The following NBPF20 variants were observed in gnomAD, a reference collection of about 807,000 sequenced individuals.
NBPF20 encodes NBPF member 20.
A neutral mutation model predicts 68.1 loss-of-function variants in NBPF20; 90 were observed. The observed-to-expected ratio is 1.32, with a 90% CI of 1.11 to 1.58. The LOEUF is 1.58. Among genes scored for constraint, NBPF20 ranks in the 40% most tolerant of loss-of-function variants. NBPF20 has a pLI of 0.00. For missense variants in NBPF20, 816 were observed against 601.2 expected (o/e 1.36, Z -3.74); for synonymous variants, 290 against 228.1 (o/e 1.27, Z -2.45).
At chr1:145,291,307 G>A in exon 138 of NBPF20, 1 of 702,526 alleles carries the variant, frequency 1.4e-6, no homozygotes, top group Non-Finnish European at 2.4e-6. Flanking sequence ...CCCGGCATGT[G>A]CTGCACAGTT....
chr1:145,291,793 G>C (rs782657048), intron 137 of NBPF20, 24 bp from the exon 143 acceptor site: 49 of 1,611,670 alleles, frequency 3.0e-5, no homozygotes, highest in Non-Finnish European at 4.0e-5. Flanking sequence ...CAAAACTAAA[G>C]AAGCAGCCAG....
upstream of NBPF20, among the ~76,000 whole-genome samples, chr1:145,410,364 G>T (rs2101608841): frequency 6.7e-6 from 1 of 150,148 alleles, no homozygotes; most frequent in African/African-American, 2.4e-5. Context: ...GCCCAGGCTG[G>T]AGTGCAGTGG....
rs587742413 is a variant in NBPF20, at chr1:145,291,657, A to G, written c.16810T>C (p.Tyr5604His). 1.6e-4 allele frequency: 257 copies of G among 1,611,988 alleles called. 1 individual carries two copies. In the African/African-American group the frequency reaches 3.1e-3, roughly 20 times the overall value. Residue 5604 changes from tyrosine to histidine, a missense_variant, in exon 138 of 138, where the codon TAC becomes CAC. Coordinates refer to ENST00000369373, the Ensembl canonical transcript of NBPF20. The stretch of plus-strand genomic sequence containing the variant: ...TCAAATGAGTAAAACACACTTCTGT[A>G]GTGCTGGAATGAGTCAGGTAGTTCA...
At chr1:145,291,699 T>C (rs200928669) in exon 138 of NBPF20, 168 of 1,611,380 alleles carry the variant, frequency 1.0e-4, no homozygotes, top group Non-Finnish European at 1.3e-4. Context: ...ATTGACGGAG[T>C]AGAATAACAT....
Position 145,366,463 on chromosome 1 carries a change from G to C in NBPF20, c.5154-111C>G, listed in dbSNP as rs1210809506. The C allele has an allele frequency of 1.4e-3, 158 of 113,600 alleles. 1 individual carries two copies. In the African/African-American group the frequency reaches 0.026, roughly 19 times the overall value. 7.0% of individuals were successfully genotyped at this position (113,600 alleles called of 1,614,324 possible). A position where few individuals can be genotyped will look rare whatever the true frequency, so the allele number is the denominator to read the frequency against. ...AAGTGGTTAAAAAACTAAAAGGATA[G>C]ATCCATTAATGAGGTAACAAATTAT... On this transcript the variant is annotated intron_variant, in intron 43 of 137. Transcript: ENST00000369373.
At chr1:145,352,370 G>C (rs1452344685) in intron 61 of NBPF20, among the ~76,000 whole-genome samples, 1 of 63,788 alleles carries the variant, frequency 1.6e-5, no homozygotes, top group Non-Finnish European at 3.3e-5. Flanking sequence ...TCAGTGAATT[G>C]TCCAGGTGAC....
intron 9 of NBPF20, chr1:145,393,597 T>C (rs2101532913): frequency 7.6e-6 from 5 of 657,666 alleles, no homozygotes; most frequent in South Asian, 3.8e-5. Flanking sequence ...ATGAAAAGCA[T>C]GTCCTCAATA....
chr1:145,410,756 A>G, the NBPF20 span, among the ~76,000 whole-genome samples: 1 of 142,294 alleles, frequency 7.0e-6, no homozygotes, highest in Non-Finnish European at 1.5e-5. Flanking sequence ...ATATACATAT[A>G]TATATATACG....
exon 137 of NBPF20, chr1:145,292,477 T>C (rs782425663): frequency 5.6e-5 from 40 of 716,536 alleles, no homozygotes; most frequent in African/African-American, 2.1e-5. Context: ...CCCCTTCCCC[T>C]TCTTTTCAAT....
At chr1:145,352,266 A>G (rs2101484790) in intron 61 of NBPF20, among the ~76,000 whole-genome samples, 177 bp from the exon 67 acceptor site, 1 of 75,906 alleles carries the variant, frequency 1.3e-5, no homozygotes, top group African/African-American at 5.1e-5. Context: ...ATGGAAAAGA[A>G]TGAAAGAGAA....
In NBPF20 at chr1:145,402,554, C is replaced by T. The variant is rs1444313719; in HGVS notation, c.279-173G>A. 2.6e-5 allele frequency among the ~76,000 whole-genome samples: 4 copies of T among 151,942 alleles called. No individual in the cohort carries two copies. In the East Asian group the frequency reaches 7.7e-4, roughly 29 times the overall value. On this transcript the variant is annotated intron_variant, in intron 3 of 137. Coordinates refer to ENST00000369373, the Ensembl canonical transcript of NBPF20. ...GAAAGAATAGAAAATGGTTTACAGGCTTCCTCTGTATCAGAGAGGGCTCTT... is the reference window on the plus strand; with the variant it reads ...GAAAGAATAGAAAATGGTTTACAGGTTTCCTCTGTATCAGAGAGGGCTCTT...
upstream of NBPF20, among the ~76,000 whole-genome samples, chr1:145,408,829 T>C (rs1362723103): frequency 1.1e-4 from 17 of 152,064 alleles, no homozygotes; most frequent in Non-Finnish European, 1.9e-4. Flanking sequence ...ATGATTCTGG[T>C]TATTAATCTC....
At chr1:145,403,690 A>G (rs1662633356) in intron 2 of NBPF20, among the ~76,000 whole-genome samples, 1 of 152,102 alleles carries the variant, frequency 6.6e-6, no homozygotes. Flanking sequence ...TTTCTTGTAC[A>G]GTCGGGAAGG....
At chr1:145,396,808 G>C (rs1662268926) in intron 7 of NBPF20, among the ~76,000 whole-genome samples, 3 of 147,064 alleles carry the variant, frequency 2.0e-5, no homozygotes, top group Admixed American at 6.8e-5. Flanking sequence ...TAGGGTACAT[G>C]TGCACAACGT....
chr1:145,394,962 A>T lies in NBPF20; in HGVS notation c.991+16T>A. 6.2e-7 allele frequency: 1 copy of T among 1,611,998 alleles called. No individual in the cohort carries two copies. Among genetic ancestry groups the T allele is most frequent in the Non-Finnish European group, 8.5e-7 (1 of 1,179,834 alleles). Reference sequence around the variant, plus strand: ...CATGAACTGGAGCTTTATCACCTTCACAGTGTAGTACTCACTGCCTATGTC... The same window carrying T: ...CATGAACTGGAGCTTTATCACCTTCTCAGTGTAGTACTCACTGCCTATGTC... On this transcript the variant is annotated intron_variant, in intron 8 of 137. Transcript: ENST00000369373.
chr1:145,291,691 T>A (rs587679353), exon 138 of NBPF20: 5 of 1,611,796 alleles, frequency 3.1e-6, no homozygotes, highest in Non-Finnish European at 4.2e-6. Context: ...CAAAGTACAT[T>A]GACGGAGTAG....
At chr1:145,296,080 T>G in intron 132 of NBPF20, 1 of 166,826 alleles carries the variant, frequency 6.0e-6, no homozygotes, top group East Asian at 1.9e-4. Flanking sequence ...TTGTCACATC[T>G]GCCCAGGTCC....
At chr1:145,342,719 G>A (rs1247131569) in intron 73 of NBPF20, among the ~76,000 whole-genome samples, 160 bp from the exon 79 acceptor site, 10 of 92,536 alleles carry the variant, frequency 1.1e-4, no homozygotes, top group Non-Finnish European at 1.9e-4. Flanking sequence ...GGACAGAACA[G>A]GGCCAAATGG....
chr1:145,404,166 C>G (rs1181806165), intron 2 of NBPF20, among the ~76,000 whole-genome samples: 2 of 148,968 alleles, frequency 1.3e-5, no homozygotes, highest in South Asian at 4.4e-4. Context: ...ATCTTTCTTC[C>G]TCTTTAGGAA....
Sources: allele counts gnomAD v4.1 joint callset (sites outside exome capture counted in the v4.1 genomes callset), GRCh38; gene constraint gnomAD v4.1.1; transcripts MANE v1.5; gene names NCBI Gene and HGNC (gene_info 2026-07-23, HGNC 2026-07-21).